Variants in PUS7 observed in about 807,000 individuals in gnomAD.
PUS7 encodes the protein pseudouridine synthase 7.
PUS7 carries 48 observed loss-of-function variants against 79.8 expected under a neutral mutation model. That is an observed-to-expected ratio of 0.60 (90% CI 0.48 to 0.76). PUS7 has a LOEUF of 0.76. Among genes scored for constraint, PUS7 ranks in the 30% least tolerant of loss-of-function variants. The probability of loss-of-function intolerance (pLI) is 0.00; values close to 1 mark genes in which losing one functional copy is unlikely to be tolerated. For synonymous variants in PUS7, 286 were observed against 272.2 expected (o/e 1.05, Z -0.50); for missense variants, 729 against 797.6 (o/e 0.91, Z 1.04).
At chr7:105,490,178 T>A (rs1259446563) in intron 7 of PUS7, among the ~76,000 whole-genome samples, 1 of 150,728 alleles carries the variant, frequency 6.6e-6, no homozygotes, top group African/African-American at 2.4e-5. Context: ...GTAGCAAACA[T>A]AGCGTACTTT....
intron 9 of PUS7, among the ~76,000 whole-genome samples, chr7:105,477,802 T>C (rs922331882): frequency 6.6e-6 from 1 of 151,716 alleles, no homozygotes; most frequent in African/African-American, 2.4e-5. Context: ...TTCATAGAAA[T>C]TGATTCATTC....
At chr7:105,512,444 A>T (rs1825740436) in intron 1 of PUS7, among the ~76,000 whole-genome samples, 1 of 152,210 alleles carries the variant, frequency 6.6e-6, no homozygotes, top group Admixed American at 6.6e-5. Context: ...AAGGACCGGG[A>T]GAACACACTG....
chr7:105,511,442 TAA>T lies in PUS7; in HGVS notation c.-32-2900_-32-2899del, dbSNP rs754392662. Among the ~76,000 whole-genome samples the T allele has an allele frequency of 4.3e-3, 463 of 106,780 alleles. 2 individuals are homozygous for T. The highest frequency in any genetic ancestry group is 0.01 in the South Asian group (27 of 2,602). The allele number at this position is 106,780 out of a possible 152,430, so 70.1% of individuals were successfully genotyped here. On this transcript the variant is annotated intron_variant, in intron 1 of 15. Coordinates refer to ENST00000469408, the MANE Select transcript of PUS7 (RefSeq NM_019042.5). ...GTACATTTAAGAATAAATTTTCATT[TAA>T]AAAAAAAAAAAAAAAGTGGTTGGGT...
rs573459767 is a variant in PUS7 at position 105,462,728 on chromosome 7, C to T, written c.1650G>A (p.Met550Ile). Residue 550 changes from methionine to isoleucine, a missense_variant, in exon 14 of 16, where the codon ATG becomes ATA. Coordinates refer to ENST00000469408, the MANE Select transcript of PUS7 (RefSeq NM_019042.5). ...KHKIQEAYRE[M>I]LTADNLDIDN... Reference sequence around the variant, plus strand: ...CAATATCAAGATTGTCAGCTGTGAGCATTTCCCTGTAGGCTTCTTGAACTA... The same window carrying T: ...CAATATCAAGATTGTCAGCTGTGAGTATTTCCCTGTAGGCTTCTTGAACTA... 5 of 1,613,202 alleles carry T rather than the reference C, an allele frequency of 3.1e-6. No homozygotes were observed. The South Asian group carries it at 5.5e-5, about 18-fold the overall frequency.
At chr7:105,476,343 G>A (rs1824110935) in intron 9 of PUS7, among the ~76,000 whole-genome samples, 1 of 151,748 alleles carries the variant, frequency 6.6e-6, no homozygotes. Flanking sequence ...TGGAATTGCT[G>A]GTTCATAACA....
At position 105,456,865 on chromosome 7, in the gene PUS7, G is replaced by A. The variant is rs1823209202; in HGVS notation, c.*925C>T. The A allele has an allele frequency of 6.6e-6, 1 of 151,954 alleles. No homozygotes were observed. Among genetic ancestry groups the A allele is most frequent in the African/African-American group, 2.4e-5 (1 of 41,340 alleles). 9.4% of individuals were successfully genotyped at this position (151,954 alleles called of 1,614,324 possible). On this transcript the variant is annotated 3_prime_UTR_variant, in exon 16 of 16. Transcript: ENST00000469408. ...AAATTAGACCTTAACTAATAAAACA[G>A]CTGTACACGTTTACATCAAGAAAAA...
At chr7:105,491,331 T>A (rs1475451961) in intron 7 of PUS7, among the ~76,000 whole-genome samples, 1 of 152,336 alleles carries the variant, frequency 6.6e-6, no homozygotes, top group South Asian at 2.1e-4. Flanking sequence ...ATTATTCTCT[T>A]GGCTTTACCA....
chr7:105,486,036 C>CTTTTTTTTTTT (rs1364988720), intron 7 of PUS7, among the ~76,000 whole-genome samples: 1 of 140,056 alleles, frequency 7.1e-6, no homozygotes, highest in African/African-American at 2.6e-5. Context: ...ATTTTTCTTT[C>CTTTTTTTTTTT]TTTTTTTTTT....
At chr7:105,471,629 C>G (rs911810741) in intron 10 of PUS7, among the ~76,000 whole-genome samples, 3 of 152,078 alleles carry the variant, frequency 2.0e-5, no homozygotes, top group African/African-American at 7.2e-5. Flanking sequence ...CAGCAACATT[C>G]TGGCTGAGCA....
intron 5 of PUS7, among the ~76,000 whole-genome samples, chr7:105,501,909 C>T (rs1481211828): frequency 1.4e-5 from 2 of 147,536 alleles, no homozygotes; most frequent in African/African-American, 5.0e-5. Context: ...GAGCCGAGAT[C>T]GTGCCACTGC....
intron 5 of PUS7, among the ~76,000 whole-genome samples, chr7:105,496,218 T>TAGAGAGAGAGAGAGAGAG (rs1309951962): frequency 2.4e-5 from 2 of 81,834 alleles, no homozygotes; most frequent in East Asian, 3.8e-4. Flanking sequence ...TATATATATA[T>TAGAGAGAGAGAGAGAGAG]ATATATATAG....
At chr7:105,480,895 A>G (rs1824293692) in intron 9 of PUS7, among the ~76,000 whole-genome samples, 157 bp downstream of exon 9, 1 of 152,198 alleles carries the variant, frequency 6.6e-6, no homozygotes, top group Non-Finnish European at 1.5e-5. Flanking sequence ...CCGATTTTTT[A>G]CCCTGTGCAC....
At chr7:105,485,248 T>C (rs1824496578) in intron 7 of PUS7, among the ~76,000 whole-genome samples, 1 of 151,554 alleles carries the variant, frequency 6.6e-6, no homozygotes, top group African/African-American at 2.4e-5. Context: ...TTTTGCTCTT[T>C]GCCCAGGCTG....
rs145057276 is a variant in PUS7, at chr7:105,508,348, A to G, written c.165T>C (p.Ser55=). 4.6e-5 allele frequency: 74 copies of G among 1,614,080 alleles called. No homozygotes were observed. The African/African-American group carries it at 9.9e-4, about 22-fold the overall frequency. Residue 55 remains serine, a synonymous_variant, in exon 2 of 16, where the codon AGT becomes AGC. Coordinates refer to ENST00000469408, the MANE Select transcript of PUS7 (RefSeq NM_019042.5). ...TGTCAGGAGGCCGAGGCACGTCTTCACTGATGGACAGAAAGTCATTCTGTA... is the reference window on the plus strand; with the variant it reads ...TGTCAGGAGGCCGAGGCACGTCTTCGCTGATGGACAGAAAGTCATTCTGTA... ...DGLQNDFLSI[S]EDVPRPPDTV... is the part of the protein sequence containing the mutation.
chr7:105,505,636 C>T (rs757210941), intron 4 of PUS7, among the ~76,000 whole-genome samples: 9 of 152,126 alleles, frequency 5.9e-5, no homozygotes, highest in Admixed American at 1.3e-4. Context: ...GTTGTCCAGG[C>T]TAGTCTCCAA....
At chr7:105,493,975 C>T (rs1413208804) in intron 6 of PUS7, among the ~76,000 whole-genome samples, 2 of 152,226 alleles carry the variant, frequency 1.3e-5, no homozygotes, top group Non-Finnish European at 1.5e-5. Flanking sequence ...CAAATTTCCA[C>T]AGCATACAGA....
At chr7:105,458,034 G>T in intron 15 of PUS7, 108 bp from the exon 16 acceptor site, 1 of 1,284,882 alleles carries the variant, frequency 7.8e-7, no homozygotes, top group South Asian at 1.6e-5. Flanking sequence ...GCTTTCCTTA[G>T]ACTCCACTTC....
At chr7:105,470,301 T>C (rs1035569304) in intron 11 of PUS7, 9 of 158,424 alleles carry the variant, frequency 5.7e-5, no homozygotes, top group Non-Finnish European at 8.3e-5. Flanking sequence ...GAAACCAGAC[T>C]AAAATGCAAC....
intron 12 of PUS7, among the ~76,000 whole-genome samples, chr7:105,467,221 A>G (rs1478137330): frequency 6.6e-6 from 1 of 151,788 alleles, no homozygotes; most frequent in Non-Finnish European, 1.5e-5. Context: ...ATGGGATATT[A>G]GGAGTGTCTT....
Sources: allele counts gnomAD v4.1 joint callset (sites outside exome capture counted in the v4.1 genomes callset), GRCh38; gene constraint gnomAD v4.1.1; transcripts MANE v1.5; gene names NCBI Gene and HGNC (gene_info 2026-07-23, HGNC 2026-07-21).